ANXA9: variants seen among roughly 807,000 people sequenced by gnomAD.
ANXA9 encodes the protein annexin 31.
Under a neutral mutation model 51.8 loss-of-function variants are expected in ANXA9, and 47 were observed. The ratio of observed to expected loss-of-function variants is 0.91; its 90% CI spans 0.72 to 1.16. The LOEUF is 1.16. Ranked by LOEUF, ANXA9 falls within the 50% of genes most tolerant of loss-of-function variation. The pLI, the probability that ANXA9 is intolerant of heterozygous loss-of-function variation, is 0.00. For synonymous variants in ANXA9, 154 were observed against 168.7 expected, an observed-to-expected ratio of 0.91 and a Z score of 0.68; for missense variants, 361 against 424.7, an observed-to-expected ratio of 0.85 and a Z score of 1.32.
chr1:150,991,753 G>A (rs909976209), intron 12 of ANXA9, among the ~76,000 whole-genome samples: 1 of 149,774 alleles, frequency 6.7e-6, no homozygotes, highest in Non-Finnish European at 1.5e-5. Context: ...CGTTGGCCAC[G>A]CTGGTGGCAA....
chr1:150,991,649 C>T (rs1671702478), intron 12 of ANXA9, among the ~76,000 whole-genome samples: 1 of 152,164 alleles, frequency 6.6e-6, no homozygotes, highest in South Asian at 2.1e-4. Flanking sequence ...TCAAGCAATT[C>T]TCCTGCCTCA....
At chr1:150,983,300 T>C in intron 3 of ANXA9, 38 bp from the exon 4 acceptor site, 2 of 1,608,422 alleles carry the variant, frequency 1.2e-6, no homozygotes, top group Non-Finnish European at 1.7e-6. Context: ...GTAGGCAGCC[T>C]GGCCCTGGCC....
At chr1:150,980,442 T>C (rs587606285), upstream of ANXA9, among the ~76,000 whole-genome samples, 4 of 152,210 alleles carry the variant, frequency 2.6e-5, no homozygotes, top group East Asian at 5.8e-4. Flanking sequence ...GGGTCATACT[T>C]GTACCAACAA....
rs587750803 is a variant in ANXA9, at chr1:150,995,583, C to T, written c.*261C>T. The T allele has an allele frequency of 5.1e-6, 2 of 392,032 alleles. No homozygotes were observed. Among genetic ancestry groups the T allele is most frequent in the African/African-American group, 4.2e-5 (2 of 48,058 alleles). 24.3% of individuals were successfully genotyped at this position (392,032 alleles called of 1,614,324 possible). A position where few individuals can be genotyped will look rare whatever the true frequency, so the allele number is the denominator to read the frequency against. On this transcript the variant is annotated 3_prime_UTR_variant, in exon 14 of 14. Coordinates refer to ENST00000368947, the MANE Select transcript of ANXA9 (RefSeq NM_003568.3). Reference sequence around the variant, plus strand: ...TTGATAGTTTCTGCCTCACTCATCCCTCCTGTACCCTGGCCAGAACATCTC... The same window carrying T: ...TTGATAGTTTCTGCCTCACTCATCCTTCCTGTACCCTGGCCAGAACATCTC...
chr1:150,986,245 G>A, intron 7 of ANXA9, 91 bp from the exon 8 acceptor site: 1 of 1,128,582 alleles, frequency 8.9e-7, no homozygotes, highest in Non-Finnish European at 1.3e-6. Flanking sequence ...AGGGCTGGCA[G>A]GGTATAGCGG....
intron 12 of ANXA9, among the ~76,000 whole-genome samples, chr1:150,992,703 G>A (rs1671735432): frequency 1.3e-5 from 2 of 152,178 alleles, no homozygotes; most frequent in African/African-American, 4.8e-5. Context: ...AGCTGCTTGG[G>A]AGGCTGAGGC....
intron 12 of ANXA9, among the ~76,000 whole-genome samples, chr1:150,990,089 G>A (rs370604893): frequency 2.0e-5 from 3 of 151,752 alleles, no homozygotes; most frequent in East Asian, 2.0e-4. Flanking sequence ...TGGGAGGATC[G>A]CTTGAGGTCA....
At chr1:150,989,519 T>C (rs1416545174) in intron 12 of ANXA9, among the ~76,000 whole-genome samples, 3 of 151,682 alleles carry the variant, frequency 2.0e-5, no homozygotes, top group African/African-American at 4.8e-5. Flanking sequence ...GGTGAAACCC[T>C]GTCTCTACTA....
At chr1:150,990,849 AAAAT>A (rs759403183) in intron 12 of ANXA9, among the ~76,000 whole-genome samples, 2 of 152,086 alleles carry the variant, frequency 1.3e-5, no homozygotes, top group Admixed American at 6.6e-5. Flanking sequence ...TGCCTCAAAA[AAAAT>A]AAATAAACAG....
intron 7 of ANXA9, 99 bp from the exon 8 acceptor site, chr1:150,986,237 G>A (rs891030487): frequency 5.8e-6 from 6 of 1,030,136 alleles, no homozygotes; most frequent in Non-Finnish European, 9.0e-6. Context: ...GGGCTAGCAG[G>A]GCTGGCAGGG....
At position 150,987,944 on chromosome 1, in the gene ANXA9, C is replaced by T. The variant is rs866764906; in HGVS notation, c.685C>T (p.His229Tyr). Reference sequence around the variant, plus strand: ...AGTCTTCACCCAGCGAAATCCTGAACACCTCATCCGAGGTACACACAAGCC... The same window carrying T: ...AGTCTTCACCCAGCGAAATCCTGAATACCTCATCCGAGGTACACACAAGCC... Reference protein sequence around the residue: ...VPVFTQRNPEHLIRVFDQYQR... With the variant: ...VPVFTQRNPEYLIRVFDQYQR... The change falls in exon 10 of 14, where the codon CAC (histidine) becomes TAC (tyrosine). Residue 229 changes from histidine (H) to tyrosine (Y), a missense_variant. His to Tyr is a moderately conservative substitution (Grantham distance 83). Transcript: ENST00000368947. 1.9e-6 allele frequency: 3 copies of T among 1,614,156 alleles called. No individual in the cohort carries two copies. In the Middle Eastern group the frequency reaches 4.9e-4, roughly 266 times the overall value.
At chr1:150,986,747 GC>G in intron 9 of ANXA9, 86 bp downstream of exon 9, 1 of 1,389,588 alleles carries the variant, frequency 7.2e-7, no homozygotes, top group Non-Finnish European at 9.8e-7. Flanking sequence ...TGACCTACGT[GC>G]CCATTTTTCC....
In ANXA9 at chr1:150,983,406, GA is replaced by G. The variant is rs780371905; in HGVS notation, c.145del (p.Arg49GlyfsTer3). The G allele has an allele frequency of 6.2e-7, 1 of 1,613,288 alleles. No individual in the cohort carries two copies. The highest frequency in any genetic ancestry group is 2.2e-5 in the East Asian group (1 of 44,850). ...ACTTCAGCGTGGACAAGGATGCGCA[GA>G]GGCTACTGAGGGCCATTACTGGCCA... ...LNFSVDKDAQ[R>X]LLRAITGQGV... On this transcript the variant is annotated frameshift_variant, in exon 4 of 14. Transcript: ENST00000368947. LOFTEE classifies it high-confidence loss of function.
chr1:150,982,696 A>T, intron 2 of ANXA9, 113 bp downstream of exon 2: 1 of 167,858 alleles, frequency 6.0e-6, no homozygotes, highest in Non-Finnish European at 1.3e-5. Context: ...CTGCCACCTC[A>T]CCTCAGCTCC....
chr1:150,983,709 T>C (rs1411444475), intron 4 of ANXA9, among the ~76,000 whole-genome samples: 1 of 152,152 alleles, frequency 6.6e-6, no homozygotes, highest in East Asian at 1.9e-4. Flanking sequence ...GAGGTGGTAT[T>C]CTCATCTAGG....
At chr1:150,986,693 G>C (rs777090424) in intron 9 of ANXA9, 32 bp downstream of exon 9, 1 of 1,551,216 alleles carries the variant, frequency 6.4e-7, no homozygotes, top group African/African-American at 1.4e-5. Context: ...GTGCACAGCC[G>C]CCATGCACAT....
chr1:150,983,035 G>A (rs1671450200), intron 2 of ANXA9, 55 bp from the exon 3 acceptor site: 5 of 1,389,880 alleles, frequency 3.6e-6, no homozygotes, highest in Non-Finnish European at 4.0e-6. Context: ...GGGTCATAAG[G>A]AGTCCCTGAA....
intron 12 of ANXA9, among the ~76,000 whole-genome samples, chr1:150,990,285 T>C (rs1671664134): frequency 7.7e-6 from 1 of 129,320 alleles, no homozygotes; most frequent in African/African-American, 3.3e-5. Context: ...CACTTCAGCC[T>C]GGGTAACAGA....
At chr1:150,984,499 T>C in intron 6 of ANXA9, 87 bp from the exon 7 acceptor site, 1 of 1,528,848 alleles carries the variant, frequency 6.5e-7, no homozygotes, top group Non-Finnish European at 9.1e-7. Flanking sequence ...TATTGTTTCT[T>C]AGAAGGAGAA....
Sources: gnomAD v4.1 joint callset for allele counts (sites outside exome capture counted in the v4.1 genomes callset) on GRCh38, gnomAD v4.1.1 for gene constraint, MANE v1.5 for transcripts, NCBI Gene and HGNC (gene_info 2026-07-23, HGNC 2026-07-21) for gene names.